PLA2G6: variants seen among roughly 807,000 people sequenced by gnomAD.
The protein encoded by PLA2G6 is 85/88 kDa calcium-independent phospholipase A2.
Under a neutral mutation model 83.8 loss-of-function variants are expected in PLA2G6, and 62 were observed. That is an observed-to-expected ratio of 0.74 (90% CI 0.60 to 0.91). The LOEUF (loss-of-function observed/expected upper bound fraction) is 0.91, where lower values mean the gene tolerates loss of function less well. Ranked by LOEUF, PLA2G6 falls within the 40% of genes least tolerant of loss-of-function variation. The pLI is 0.00. For missense variants in PLA2G6, 944 were observed against 1,102.0 expected, an observed-to-expected ratio of 0.86 and a Z score of 2.03; for synonymous variants, 417 against 449.8, an observed-to-expected ratio of 0.93 and a Z score of 0.92.
At chr22:38,171,886 G>A (rs148280050) in intron 1 of PLA2G6, among the ~76,000 whole-genome samples, 53 of 151,566 alleles carry the variant, frequency 3.5e-4, no homozygotes, top group African/African-American at 9.7e-4. Context: ...GGTCTCGAAC[G>A]CCCGGGTTCA....
In PLA2G6 at chr22:38,111,964, A is replaced by G. The variant is rs2086890690; in HGVS notation, c.*197T>C. The G allele has an allele frequency of 1.6e-6, 1 of 630,798 alleles. No homozygotes were observed. The highest frequency in any genetic ancestry group is 2.8e-5 in the East Asian group (1 of 36,104). 39.1% of individuals were successfully genotyped at this position (630,798 alleles called of 1,614,324 possible). Reference sequence around the variant, plus strand: ...ACTTTCCCAGCCTGGAATGACAGAAAGTGCTGGAAGGCGGGGTTAGTGGGA... The same window carrying G: ...ACTTTCCCAGCCTGGAATGACAGAAGGTGCTGGAAGGCGGGGTTAGTGGGA... On this transcript the variant is annotated 3_prime_UTR_variant, in exon 17 of 17. Coordinates refer to ENST00000332509, the MANE Select transcript of PLA2G6 (RefSeq NM_003560.4).
intron 2 of PLA2G6, 175 bp from the exon 3 acceptor site, chr22:38,145,828 CA>C (rs1569278537): frequency 6.2e-5 from 40 of 649,580 alleles, no homozygotes; most frequent in South Asian, 2.3e-4. Context: ...CACACACACA[CA>C]CACACCCCTA....
chr22:38,149,633 C>T (rs75635328), intron 2 of PLA2G6: 1 of 152,144 alleles, frequency 6.6e-6, no homozygotes, highest in African/African-American at 2.4e-5. Flanking sequence ...TGCAAACTTT[C>T]CAAAACTGAT....
At chr22:38,163,984 A>G (rs942754760) in intron 2 of PLA2G6, among the ~76,000 whole-genome samples, 4 of 151,966 alleles carry the variant, frequency 2.6e-5, no homozygotes, top group African/African-American at 7.3e-5. Context: ...CAGATCACAC[A>G]CTTCTATCAT....
intron 3 of PLA2G6, 187 bp from the exon 4 acceptor site, chr22:38,143,475 A>G: frequency 1.5e-6 from 1 of 682,508 alleles, no homozygotes; most frequent in South Asian, 1.6e-5. Flanking sequence ...TGTGACCTGT[A>G]TCAGGTTTCT....
intron 2 of PLA2G6, chr22:38,146,607 C>A (rs2089272743): frequency 6.6e-6 from 1 of 152,076 alleles, no homozygotes; most frequent in South Asian, 2.1e-4. Flanking sequence ...TGTGAGAGCT[C>A]CAGCCTCGAG....
At chr22:38,140,618 A>C (rs2088848522) in intron 4 of PLA2G6, 5 of 206,790 alleles carry the variant, frequency 2.4e-5, no homozygotes, top group Non-Finnish European at 5.0e-5. Context: ...TTCTGAGTCA[A>C]GGAACTTAAA....
chr22:38,145,784 AAC>A (rs132936), intron 2 of PLA2G6, 131 bp from the exon 3 acceptor site: 83,082 of 476,272 alleles, frequency 0.17, 1,703 homozygotes, highest in Non-Finnish European at 0.18. Context: ...CTCCCAAGCA[AAC>A]ACACACACAC....
chr22:38,126,652 G>A (rs1055051443), intron 9 of PLA2G6: 20 of 599,036 alleles, frequency 3.3e-5, no homozygotes, highest in African/African-American at 3.3e-4. Context: ...AGAGAAATGG[G>A]CTGGAGTGGA....
At chr22:38,143,891 C>A (rs555197675) in intron 3 of PLA2G6, 1 of 184,752 alleles carries the variant, frequency 5.4e-6, no homozygotes. Context: ...TACAGGCGTG[C>A]GCCACCACGC....
At chr22:38,176,417 G>A (rs987088125) in intron 1 of PLA2G6, among the ~76,000 whole-genome samples, 2 of 152,168 alleles carry the variant, frequency 1.3e-5, no homozygotes, top group East Asian at 1.9e-4. Context: ...TGCCCGAGGT[G>A]GAAATCAGGC....
At chr22:38,129,653 C>T in intron 7 of PLA2G6, 91 bp from the exon 8 acceptor site, 2 of 912,632 alleles carry the variant, frequency 2.2e-6, no homozygotes, top group Non-Finnish European at 3.6e-6. Flanking sequence ...CCTGTCAACT[C>T]ACCCAGCGGG....
intron 14 of PLA2G6, 184 bp from the exon 15 acceptor site, chr22:38,113,838 G>A (rs1331243608): frequency 5.8e-6 from 4 of 694,804 alleles, no homozygotes; most frequent in African/African-American, 3.5e-5. Context: ...ACCCCAGAAC[G>A]GCTGGTGCGG....
At position 38,132,768 on chromosome 22, in the gene PLA2G6, C is replaced by T. The variant is rs1346623267; in HGVS notation, c.1077+63G>A. 4 of 1,406,988 alleles carry T rather than the reference C, an allele frequency of 2.8e-6. No individual in the cohort carries two copies. Among genetic ancestry groups the T allele is most frequent in the African/African-American group, 1.4e-5 (1 of 70,686 alleles). 87.2% of individuals were successfully genotyped at this position (1,406,988 alleles called of 1,614,324 possible). On this transcript the variant is annotated intron_variant, in intron 7 of 16. Coordinates refer to ENST00000332509, the MANE Select transcript of PLA2G6 (RefSeq NM_003560.4). This position sits in a 1 kb window ranked among gnomAD's most constrained non-coding sequence, Gnocchi z 5.0. ...GACAGTGGGGAGGAGGGCTCCAGTCCGGACAGCCCTCCTGCATTCCCACCG... is the reference window on the plus strand; with the variant it reads ...GACAGTGGGGAGGAGGGCTCCAGTCTGGACAGCCCTCCTGCATTCCCACCG...
chr22:38,152,253 G>A (rs976927899), intron 2 of PLA2G6, among the ~76,000 whole-genome samples: 2 of 151,502 alleles, frequency 1.3e-5, no homozygotes, highest in African/African-American at 4.9e-5. Flanking sequence ...TTTCGCTCTT[G>A]TCGCCCAGGT....
chr22:38,143,631 C>T, intron 3 of PLA2G6: 1 of 416,430 alleles, frequency 2.4e-6, no homozygotes, highest in Non-Finnish European at 4.5e-6. Flanking sequence ...GCGTCAATAT[C>T]CTTATCGACA....
In PLA2G6 at chr22:38,120,824, G is replaced by A. The variant is rs887630274; in HGVS notation, c.1677C>T (p.Pro559=). The part of the protein sequence containing the change: ...FRGSRPYESG[P]LEEFLKREFG... Reference sequence around the variant, plus strand: ...ACTCCCGCTTCAGGAACTCCTCCAGGGGCCCCGACTCGTAGGGCCTGGAGC... The same window carrying A: ...ACTCCCGCTTCAGGAACTCCTCCAGAGGCCCCGACTCGTAGGGCCTGGAGC... The change falls in exon 12 of 17, where the codon CCC becomes CCT. Residue 559 remains proline, a synonymous_variant. Transcript: ENST00000332509. 2 of 1,613,922 alleles carry A rather than the reference G, an allele frequency of 1.2e-6. No individual in the cohort carries two copies. Among genetic ancestry groups the A allele is most frequent in the South Asian group, 1.1e-5 (1 of 91,092 alleles).
chr22:38,164,640 C>T (rs993903330), intron 2 of PLA2G6, among the ~76,000 whole-genome samples: 6 of 152,316 alleles, frequency 3.9e-5, no homozygotes, highest in Admixed American at 3.9e-4. Flanking sequence ...TTCCATCCCC[C>T]AGGTCCATCC....
chr22:38,139,413 A>T (rs935677683), intron 5 of PLA2G6: 1 of 100,190 alleles, frequency 1.0e-5, no homozygotes, highest in African/African-American at 3.4e-5. Context: ...AAATAAATTT[A>T]TTTTTATTTA....
Sources: gnomAD v4.1 joint callset for allele counts (sites outside exome capture counted in the v4.1 genomes callset) on GRCh38, gnomAD v4.1.1 for gene constraint, Gnocchi (gnomAD v3.1) non-coding constraint, MANE v1.5 for transcripts, NCBI Gene and HGNC (gene_info 2026-07-23, HGNC 2026-07-21) for gene names.